Variants in COL5A2 observed in about 807,000 individuals in gnomAD.
COL5A2 encodes the protein collagen alpha-2(V) chain.
COL5A2 carries 23 observed loss-of-function variants against 208.2 expected under a neutral mutation model. That is an observed-to-expected ratio of 0.11 (90% CI 0.08 to 0.16). The LOEUF (loss-of-function observed/expected upper bound fraction) is 0.16, where lower values mean the gene tolerates loss of function less well. COL5A2 is among the 10% of genes least tolerant of loss of function. COL5A2 has a pLI of 1.00. For missense variants in COL5A2, 1,590 were observed against 1,956.4 expected (o/e 0.81, Z 3.53); for synonymous variants, 625 against 628.5 (o/e 0.99, Z 0.08).
chr2:189,410,381 C>G, the COL5A2 span, among the ~76,000 whole-genome samples: 12 of 151,890 alleles, frequency 7.9e-5, no homozygotes, highest in Non-Finnish European at 1.5e-4. Context: ...ACCAGCCTGA[C>G]CAAGACCCCC....
At chr2:189,203,599 C>A (rs906097663) in intron 1 of COL5A2, among the ~76,000 whole-genome samples, 5 of 152,196 alleles carry the variant, frequency 3.3e-5, no homozygotes, top group Admixed American at 3.3e-4. Context: ...TAATGCAATA[C>A]TTCCAGTTTC....
the COL5A2 span, among the ~76,000 whole-genome samples, chr2:189,335,170 C>T: frequency 6.6e-6 from 1 of 151,986 alleles, no homozygotes. Flanking sequence ...GGTAGTCAAA[C>T]AGTTGTTGAA....
the COL5A2 span, among the ~76,000 whole-genome samples, chr2:189,360,288 T>C: frequency 6.6e-6 from 1 of 152,112 alleles, no homozygotes; most frequent in East Asian, 1.9e-4. Context: ...TAAAATTTTG[T>C]TTAGTTAAAA....
At chr2:189,064,862 G>C in intron 24 of COL5A2, 142 bp downstream of exon 24, 1 of 907,430 alleles carries the variant, frequency 1.1e-6, no homozygotes. Flanking sequence ...CACAAGAGAG[G>C]ATTGGGGTTA....
the COL5A2 span, among the ~76,000 whole-genome samples, chr2:189,323,926 A>G: frequency 1.3e-5 from 2 of 152,218 alleles, no homozygotes; most frequent in Admixed American, 6.5e-5. Flanking sequence ...AAACTATACT[A>G]CAAGGCTACA....
chr2:189,347,194 C>T, the COL5A2 span, among the ~76,000 whole-genome samples: 2 of 152,126 alleles, frequency 1.3e-5, no homozygotes, highest in African/African-American at 2.4e-5. Flanking sequence ...ATTACTTGCA[C>T]AACTTTGCTT....
chr2:189,136,357 G>A (rs1687826075), intron 1 of COL5A2, among the ~76,000 whole-genome samples: 1 of 150,278 alleles, frequency 6.7e-6, no homozygotes, highest in Non-Finnish European at 1.5e-5. Flanking sequence ...TTATATATAT[G>A]CTTATATATG....
At chr2:189,093,281 A>C (rs1458216656) in intron 6 of COL5A2, among the ~76,000 whole-genome samples, 1 of 152,234 alleles carries the variant, frequency 6.6e-6, no homozygotes, top group South Asian at 2.1e-4. Flanking sequence ...GAATCTTGAA[A>C]GGCTTCAAAA....
chr2:189,102,042 T>C (rs1687056612), intron 3 of COL5A2, among the ~76,000 whole-genome samples: 2 of 152,098 alleles, frequency 1.3e-5, no homozygotes, highest in African/African-American at 4.8e-5. Context: ...TTCAAAATGC[T>C]GAAAGAATTT....
At chr2:189,397,481 G>A in the COL5A2 span, among the ~76,000 whole-genome samples, 1 of 152,110 alleles carries the variant, frequency 6.6e-6, no homozygotes, top group Non-Finnish European at 1.5e-5. Context: ...AGTAGGAAAG[G>A]TCTCCAATTA....
chr2:189,038,185 A>C (rs1453073053), intron 51 of COL5A2, among the ~76,000 whole-genome samples: 1 of 151,942 alleles, frequency 6.6e-6, no homozygotes, highest in Non-Finnish European at 1.5e-5. Flanking sequence ...GCTCCCATCC[A>C]CACCCTCCCC....
At chr2:189,139,870 C>G (rs1687902408) in intron 1 of COL5A2, among the ~76,000 whole-genome samples, 1 of 151,854 alleles carries the variant, frequency 6.6e-6, no homozygotes, top group Non-Finnish European at 1.5e-5. Context: ...GTCAGGAATT[C>G]GAGACTAGCC....
At chr2:189,099,822 A>C (rs899700337) in intron 4 of COL5A2, among the ~76,000 whole-genome samples, 3 of 152,156 alleles carry the variant, frequency 2.0e-5, no homozygotes, top group African/African-American at 7.2e-5. Context: ...TATACTAACT[A>C]GTACTAATAT....
At chr2:189,382,601 G>A in the COL5A2 span, among the ~76,000 whole-genome samples, 6 of 152,174 alleles carry the variant, frequency 3.9e-5, no homozygotes, top group African/African-American at 1.2e-4. Flanking sequence ...TGTTACGCAC[G>A]TCCATATAAG....
At chr2:189,185,617 A>T (rs1039267536) in intron 1 of COL5A2, among the ~76,000 whole-genome samples, 2 of 152,208 alleles carry the variant, frequency 1.3e-5, no homozygotes, top group Admixed American at 1.3e-4. Context: ...CTCCCCTGAC[A>T]AATGGGTCTG....
chr2:189,152,466 C>T (rs1288349222), intron 1 of COL5A2, among the ~76,000 whole-genome samples: 1 of 152,182 alleles, frequency 6.6e-6, no homozygotes, highest in Non-Finnish European at 1.5e-5. Flanking sequence ...AAAGCCAACA[C>T]ACAATGTAGC....
the COL5A2 span, among the ~76,000 whole-genome samples, chr2:189,381,472 A>T: frequency 1.3e-5 from 2 of 151,996 alleles, no homozygotes; most frequent in East Asian, 3.9e-4. Context: ...GATGTTCTAT[A>T]TTATATTAAT....
the COL5A2 span, among the ~76,000 whole-genome samples, chr2:189,298,363 A>G: frequency 6.6e-6 from 1 of 152,182 alleles, no homozygotes; most frequent in Admixed American, 6.5e-5. Flanking sequence ...CCCTTATAAC[A>G]TAATTCTCTG....
chr2:189,096,568 G>A (rs1686915882), intron 6 of COL5A2, among the ~76,000 whole-genome samples: 5 of 142,698 alleles, frequency 3.5e-5, no homozygotes, highest in Non-Finnish European at 7.5e-5. Context: ...CTTGCAGTGA[G>A]CCGAGATCAC....
Sources: allele counts gnomAD v4.1 joint callset (sites outside exome capture counted in the v4.1 genomes callset), GRCh38; gene constraint gnomAD v4.1.1; transcripts MANE v1.5; gene names NCBI Gene and HGNC (gene_info 2026-07-23, HGNC 2026-07-21).